The following DCUN1D4 variants were observed in gnomAD, a reference collection of about 807,000 sequenced individuals.
The protein encoded by DCUN1D4 is defective in cullin neddylation 1 domain containing 4, also known as DCN1-like protein 4.
DCUN1D4 carries 22 observed loss-of-function variants against 47.9 expected under a neutral mutation model. That is an observed-to-expected ratio of 0.46 (90% CI 0.33 to 0.66). The LOEUF (loss-of-function observed/expected upper bound fraction) is 0.66. Among genes scored for constraint, DCUN1D4 ranks in the 30% least tolerant of loss-of-function variants. The pLI is 0.02. For missense variants in DCUN1D4, 301 were observed against 340.8 expected, an observed-to-expected ratio of 0.88 and a Z score of 0.92; for synonymous variants, 121 against 112.2, an observed-to-expected ratio of 1.08 and a Z score of -0.50.
At chr4:51,843,032 A>G (rs1029898750), upstream of DCUN1D4, 94 of 1,359,194 alleles carry the variant, frequency 6.9e-5, no homozygotes, top group Non-Finnish European at 8.7e-5. Flanking sequence ...CCAGCTCCAG[A>G]CCGGCGCTAT....
chr4:51,881,719 C>T (rs1015673724), intron 5 of DCUN1D4, among the ~76,000 whole-genome samples: 6 of 150,054 alleles, frequency 4.0e-5, no homozygotes, highest in African/African-American at 1.5e-4. Context: ...TCACTTCTAA[C>T]CCACTTTGTG....
intron 1 of DCUN1D4, among the ~76,000 whole-genome samples, chr4:51,845,998 G>T (rs757801726): frequency 6.6e-6 from 1 of 152,186 alleles, no homozygotes; most frequent in Non-Finnish European, 1.5e-5. Flanking sequence ...CTTGCAGAGG[G>T]TAAAGTGATG....
intron 5 of DCUN1D4, among the ~76,000 whole-genome samples, chr4:51,880,078 A>G (rs1728333856): frequency 6.6e-6 from 1 of 152,120 alleles, no homozygotes; most frequent in African/African-American, 2.4e-5. Context: ...CCCTTTTGCT[A>G]TAGCTTGTCC....
At chr4:51,878,335 A>G (rs1728005858) in intron 5 of DCUN1D4, among the ~76,000 whole-genome samples, 1 of 152,162 alleles carries the variant, frequency 6.6e-6, no homozygotes, top group African/African-American at 2.4e-5. Context: ...TGGTTGGGTA[A>G]TATAATGTTG....
At chr4:51,888,036 A>G (rs542816160) in intron 6 of DCUN1D4, among the ~76,000 whole-genome samples, 12 of 152,092 alleles carry the variant, frequency 7.9e-5, no homozygotes, top group Non-Finnish European at 1.8e-4. Context: ...AGAAAAGACC[A>G]TTACATTGAA....
intron 1 of DCUN1D4, among the ~76,000 whole-genome samples, chr4:51,853,597 G>C (rs1161005780): frequency 6.6e-6 from 1 of 152,196 alleles, no homozygotes; most frequent in Admixed American, 6.5e-5. Context: ...GTCAGGGATA[G>C]AATCTACTTC....
chr4:51,855,099 G>C (rs956481078), intron 1 of DCUN1D4, among the ~76,000 whole-genome samples: 1 of 152,134 alleles, frequency 6.6e-6, no homozygotes, highest in African/African-American at 2.4e-5. Context: ...GCTCTAGGAA[G>C]AGTGACAAAG....
intron 4 of DCUN1D4, among the ~76,000 whole-genome samples, chr4:51,875,594 C>T (rs1473386431): frequency 6.6e-6 from 1 of 152,154 alleles, no homozygotes; most frequent in East Asian, 1.9e-4. Flanking sequence ...CACACCATCA[C>T]TACAAACCAG....
intron 5 of DCUN1D4, among the ~76,000 whole-genome samples, chr4:51,879,032 G>T (rs1209610489): frequency 6.6e-6 from 1 of 152,150 alleles, no homozygotes; most frequent in Non-Finnish European, 1.5e-5. Context: ...AAGCTGGGAG[G>T]ATCATGTCTT....
chr4:51,841,860 T>G (rs1721680504), upstream of DCUN1D4, among the ~76,000 whole-genome samples: 1 of 151,580 alleles, frequency 6.6e-6, no homozygotes, highest in Admixed American at 6.6e-5. Flanking sequence ...TACCTGTGAT[T>G]TGTGGTGTCA....
intron 3 of DCUN1D4, among the ~76,000 whole-genome samples, chr4:51,864,897 C>T (rs1045356959): frequency 2.0e-5 from 3 of 152,144 alleles, no homozygotes; most frequent in East Asian, 1.9e-4. Flanking sequence ...ACTATTTAGA[C>T]GTCTCTTTAG....
intron 3 of DCUN1D4, 68 bp from the exon 4 acceptor site, chr4:51,874,203 G>GT: frequency 9.7e-7 from 1 of 1,033,958 alleles, no homozygotes; most frequent in Non-Finnish European, 1.4e-6. Flanking sequence ...TAGCAGTACT[G>GT]TTCTTTGGAA....
At chr4:51,852,090 TTTC>T (rs758849329) in intron 1 of DCUN1D4, among the ~76,000 whole-genome samples, 14 of 152,244 alleles carry the variant, frequency 9.2e-5, no homozygotes, top group Non-Finnish European at 1.6e-4. Flanking sequence ...TCTTGGTTCT[TTTC>T]TTCTTGGAAT....
chr4:51,863,747 C>T lies in DCUN1D4; in HGVS notation c.136+38C>T, dbSNP rs201327644. On this transcript the variant is annotated intron_variant, in intron 3 of 10. Coordinates refer to ENST00000334635, the MANE Select transcript of DCUN1D4 (RefSeq NM_001040402.3). Reference sequence around the variant, plus strand: ...GCTAACACTACTTAATTTTAAATAGCTTCTTAATATTAGGAAAGAGAAATA... The same window carrying T: ...GCTAACACTACTTAATTTTAAATAGTTTCTTAATATTAGGAAAGAGAAATA... The T allele has an allele frequency of 5.3e-3, 8,396 of 1,582,258 alleles. 33 individuals are homozygous for T. The highest frequency in any genetic ancestry group is 6.6e-3 in the Non-Finnish European group (7,609 of 1,156,722).
chr4:51,895,587 A>T (rs1731139528), intron 7 of DCUN1D4, among the ~76,000 whole-genome samples: 2 of 122,028 alleles, frequency 1.6e-5, no homozygotes, highest in South Asian at 5.2e-4. Flanking sequence ...AAAAAAAAAA[A>T]ACAGTGACAA....
At chr4:51,911,002 C>G in intron 8 of DCUN1D4, 68 bp from the exon 9 acceptor site, 1 of 1,430,804 alleles carries the variant, frequency 7.0e-7, no homozygotes, top group Non-Finnish European at 9.9e-7. Context: ...AGTGAATACA[C>G]ATTTGCAATT....
intron 3 of DCUN1D4, among the ~76,000 whole-genome samples, chr4:51,872,366 C>T (rs1243614705): frequency 2.0e-5 from 3 of 152,182 alleles, no homozygotes; most frequent in Non-Finnish European, 2.9e-5. Context: ...CTGGAAAGAG[C>T]TGTTCACATT....
At chr4:51,911,018 A>G (rs1733644060) in intron 8 of DCUN1D4, 52 bp from the exon 9 acceptor site, 4 of 1,540,218 alleles carry the variant, frequency 2.6e-6, no homozygotes, top group Non-Finnish European at 2.7e-6. Context: ...CAATTATTGG[A>G]ATTTATTATT....
chr4:51,865,274 G>T (rs1725722296), intron 3 of DCUN1D4: 2 of 234,342 alleles, frequency 8.5e-6, no homozygotes, highest in Non-Finnish European at 1.8e-5. Flanking sequence ...GTGTTTTGCA[G>T]CCAAGCCAGC....
Sources: gnomAD v4.1 joint callset for allele counts (sites outside exome capture counted in the v4.1 genomes callset) on GRCh38, gnomAD v4.1.1 for gene constraint, MANE v1.5 for transcripts, NCBI Gene and HGNC (gene_info 2026-07-23, HGNC 2026-07-21) for gene names.